DNAH5: variants seen among roughly 807,000 people sequenced by gnomAD.
DNAH5 encodes dynein axonemal heavy chain 5, also known as axonemal beta dynein heavy chain 5.
Under a neutral mutation model 518.2 loss-of-function variants are expected in DNAH5, and 372 were observed. That is an observed-to-expected ratio of 0.72 (90% confidence interval 0.66 to 0.78). The LOEUF (loss-of-function observed/expected upper bound fraction) is 0.78, where lower values mean the gene tolerates loss of function less well. DNAH5 is among the 30% of genes least tolerant of loss of function. The pLI, the probability that DNAH5 is intolerant of heterozygous loss-of-function variation, is 0.00. For missense variants in DNAH5, 5,523 were observed against 5,687.0 expected, an observed-to-expected ratio of 0.97 and a Z score of 0.93; for synonymous variants, 2,039 against 2,025.9, an observed-to-expected ratio of 1.01 and a Z score of -0.17.
intron 1 of DNAH5, among the ~76,000 whole-genome samples, chr5:13,955,359 T>C (rs771449675): frequency 1.3e-4 from 20 of 152,158 alleles, no homozygotes; most frequent in Non-Finnish European, 2.5e-4. Context: ...TCTTCATGAA[T>C]TACCCAGTCT....
Position 13,919,303 on chromosome 5 carries a change from G to C in DNAH5, c.848C>G (p.Pro283Arg). 2 of 1,614,128 alleles carry C rather than the reference G, an allele frequency of 1.2e-6. No individual in the cohort carries two copies. The highest frequency in any genetic ancestry group is 2.2e-5 in the South Asian group (2 of 91,068). The change falls in exon 7 of 79, where the codon CCA becomes CGA. Residue 283 changes from proline to arginine, a missense_variant. Coordinates refer to ENST00000265104, the MANE Select transcript of DNAH5 (RefSeq NM_001369.3). ...QLLKEADDVG[P>R]RAELEHWKKR... ...TTTCCAGTGCTCCAGCTCCGCTCGT[G>C]GCCCAACGTCATCCGCTTCCTTCAG...
chr5:13,900,182 G>C (rs566732614), intron 15 of DNAH5, 24 bp downstream of exon 15: 10 of 1,583,146 alleles, frequency 6.3e-6, no homozygotes, highest in Non-Finnish European at 7.8e-6. Flanking sequence ...CCAAGAATGG[G>C]GGGAAAAAAT....
chr5:13,829,406 TC>T, intron 38 of DNAH5, 103 bp downstream of exon 38: 1 of 1,180,142 alleles, frequency 8.5e-7, no homozygotes, highest in South Asian at 1.3e-5. Flanking sequence ...GTCAATAAAA[TC>T]CTTTGTCAAC....
chr5:13,704,019 C>A (rs562960630), intron 76 of DNAH5, among the ~76,000 whole-genome samples: 1 of 152,182 alleles, frequency 6.6e-6, no homozygotes, highest in Non-Finnish European at 1.5e-5. Flanking sequence ...GGTGGTACAG[C>A]TCCCAGATGA....
chr5:13,701,256 C>T (rs112122588), intron 77 of DNAH5, 28 bp downstream of exon 77: 371 of 1,613,796 alleles, frequency 2.3e-4, no homozygotes, highest in African/African-American at 1.2e-3. Context: ...ATTATAATAA[C>T]GCAACGGGTG....
At chr5:13,955,243 G>A (rs1244557968) in intron 1 of DNAH5, among the ~76,000 whole-genome samples, 1 of 152,160 alleles carries the variant, frequency 6.6e-6, no homozygotes, top group African/African-American at 2.4e-5. Flanking sequence ...ACGGTGAGAT[G>A]TGCTTGCTTC....
intron 50 of DNAH5, 66 bp downstream of exon 50, chr5:13,791,914 AAAAAATAAATCAAT>A: frequency 1.6e-6 from 2 of 1,269,574 alleles, no homozygotes; most frequent in Non-Finnish European, 2.2e-6. Flanking sequence ...CAGTTCAAGT[AAAAAATAAATCAAT>A]AAAAATATTT....
At chr5:14,009,147 A>AAAGGCCATAAGAAGC (rs1200798702) in intron 1 of DNAH5, among the ~76,000 whole-genome samples, 1 of 152,232 alleles carries the variant, frequency 6.6e-6, no homozygotes, top group Non-Finnish European at 1.5e-5. Flanking sequence ...TTGTTAAAAG[A>AAAGGCCATAAGAAGC]AAGGCCATAA....
chr5:13,921,423 T>C (rs1344382375), intron 5 of DNAH5, among the ~76,000 whole-genome samples: 1 of 122,966 alleles, frequency 8.1e-6, no homozygotes, highest in Non-Finnish European at 1.8e-5. Flanking sequence ...TCTCTCTCTC[T>C]CCCTCTCTCT....
intron 53 of DNAH5, among the ~76,000 whole-genome samples, chr5:13,777,904 CGTT>C (rs1754344278): frequency 6.6e-6 from 1 of 152,086 alleles, no homozygotes; most frequent in Non-Finnish European, 1.5e-5. Context: ...TACCTGGAAA[CGTT>C]GTGAAATATC....
chr5:13,909,203 G>T (rs1203734289), intron 12 of DNAH5, among the ~76,000 whole-genome samples: 1 of 152,084 alleles, frequency 6.6e-6, no homozygotes, highest in Non-Finnish European at 1.5e-5. Context: ...TCCCCGGTGG[G>T]TGACTGAAAC....
At chr5:13,866,197 G>A in intron 26 of DNAH5, 23 bp downstream of exon 26, 1 of 1,607,448 alleles carries the variant, frequency 6.2e-7, no homozygotes, top group Admixed American at 1.7e-5. Flanking sequence ...TGTTTAGAAA[G>A]TCATAGAAAC....
chr5:13,848,273 G>T (rs1766326356), intron 31 of DNAH5, among the ~76,000 whole-genome samples: 1 of 152,148 alleles, frequency 6.6e-6, no homozygotes, highest in African/African-American at 2.4e-5. Flanking sequence ...TTGCTTTAAA[G>T]TAAACAAAGG....
chr5:13,830,484 T>G, intron 36 of DNAH5, 113 bp downstream of exon 36: 1 of 1,354,974 alleles, frequency 7.4e-7, no homozygotes, highest in Non-Finnish European at 1.0e-6. Flanking sequence ...TTCCAAAAAA[T>G]TTTACAAAGT....
chr5:13,980,445 C>T (rs1782592786), intron 1 of DNAH5, among the ~76,000 whole-genome samples: 1 of 152,158 alleles, frequency 6.6e-6, no homozygotes, highest in Non-Finnish European at 1.5e-5. Flanking sequence ...ACATCATGTG[C>T]CATTTCCGTC....
chr5:13,755,334 G>A (rs1750852843), intron 61 of DNAH5, among the ~76,000 whole-genome samples: 1 of 151,844 alleles, frequency 6.6e-6, no homozygotes, highest in Non-Finnish European at 1.5e-5. Flanking sequence ...CCATGAATAA[G>A]AATACTCTGA....
At chr5:13,899,451 C>G (rs1286559849) in intron 15 of DNAH5, 1 of 152,348 alleles carries the variant, frequency 6.6e-6, no homozygotes, top group African/African-American at 2.4e-5. Flanking sequence ...CTCTCAGAAG[C>G]ATGCCTCCCA....
At position 13,922,284 on chromosome 5, in the gene DNAH5, G is replaced by A; in HGVS notation, c.483C>T (p.Leu161=). 2.5e-6 allele frequency: 4 copies of A among 1,613,636 alleles called. No individual in the cohort carries two copies. The highest frequency in any genetic ancestry group is 3.4e-6 in the Non-Finnish European group (4 of 1,179,818). Residue 161 remains leucine, a synonymous_variant, in exon 5 of 79, where the codon CTC becomes CTT. Transcript: ENST00000265104. ...NMLDAADGGL[L]NSVRRLLSDI... ...CCGACAGCAAACGTCTCACACTGTT[G>A]AGCAGGCCTCCATCTGCCGCATCTA...
intron 47 of DNAH5, among the ~76,000 whole-genome samples, chr5:13,804,035 T>G (rs1031545760): frequency 6.6e-6 from 1 of 151,880 alleles, no homozygotes; most frequent in African/African-American, 2.4e-5. Flanking sequence ...GCTTTCTTCT[T>G]TTCACCTTCT....
Sources: allele counts gnomAD v4.1 joint callset (sites outside exome capture counted in the v4.1 genomes callset), GRCh38; gene constraint gnomAD v4.1.1; transcripts MANE v1.5; gene names NCBI Gene and HGNC (gene_info 2026-07-23, HGNC 2026-07-21).